Variants in DTWD2 observed in about 807,000 individuals in gnomAD.
The protein encoded by DTWD2 is DTW motif tRNA-uridine aminocarboxypropyltransferase 2.
A neutral mutation model predicts 31.8 loss-of-function variants in DTWD2; 39 were observed. The ratio of observed to expected loss-of-function variants is 1.22; its 90% CI spans 0.95 to 1.60. DTWD2 has a LOEUF of 1.60. Among genes scored for constraint, DTWD2 ranks in the 40% most tolerant of loss-of-function variants. The pLI is 0.00. For synonymous variants in DTWD2, 180 were observed against 142.8 expected (o/e 1.26, Z -1.86); for missense variants, 515 against 381.5 (o/e 1.35, Z -2.92).
In DTWD2 at chr5:118,839,590, G is replaced by A. The variant is rs537554639; in HGVS notation, c.*1327C>T. ...TTGCCCAGGCTGGTCTCAAACTCCTGGGCTCAAGCAATTCTCACATCTCAG... is the reference window on the plus strand; with the variant it reads ...TTGCCCAGGCTGGTCTCAAACTCCTAGGCTCAAGCAATTCTCACATCTCAG... On this transcript the variant is annotated 3_prime_UTR_variant, in exon 6 of 6. Transcript: ENST00000510708. 6.6e-6 allele frequency: 1 copy of A among 152,124 alleles called. No individual in the cohort carries two copies. The highest frequency in any genetic ancestry group is 2.1e-4 in the South Asian group (1 of 4,810). 9.4% of individuals were successfully genotyped at this position (152,124 alleles called of 1,614,324 possible).
chr5:118,880,756 A>G (rs1161914973), intron 4 of DTWD2, among the ~76,000 whole-genome samples: 1 of 152,196 alleles, frequency 6.6e-6, no homozygotes, highest in Non-Finnish European at 1.5e-5. Context: ...CTAGTCTAAA[A>G]TGTTTAAATA....
chr5:118,974,624 T>G lies in DTWD2; in HGVS notation c.218+13670A>C, dbSNP rs374764915. 386 of 506,432 alleles carry G rather than the reference T, an allele frequency of 7.6e-4. 1 individual carries two copies. Among genetic ancestry groups the G allele is most frequent in the Admixed American group, 2.2e-3 (92 of 42,408 alleles). 31.4% of individuals were successfully genotyped at this position (506,432 alleles called of 1,614,324 possible). On this transcript the variant is annotated intron_variant, in intron 1 of 5. Transcript: ENST00000510708. ...CATTCCAGTAACTTTTTTGTGTATG[T>G]ACTTAGCTGTACTATAAGTAGTTGG...
chr5:118,926,821 C>G (rs1404116055), intron 4 of DTWD2, among the ~76,000 whole-genome samples: 1 of 152,174 alleles, frequency 6.6e-6, no homozygotes, highest in African/African-American at 2.4e-5. Flanking sequence ...CCTCCCACCT[C>G]AGCCTCACAA....
At chr5:118,974,712 T>C (rs779901724) in intron 1 of DTWD2, 22 of 501,348 alleles carry the variant, frequency 4.4e-5, no homozygotes, top group Non-Finnish European at 8.0e-5. Context: ...TTTTTGTCTA[T>C]GAAGTTGCTG....
chr5:118,903,480 G>C (rs1056029552), intron 4 of DTWD2, among the ~76,000 whole-genome samples: 13 of 151,962 alleles, frequency 8.6e-5, no homozygotes, highest in African/African-American at 2.2e-4. Flanking sequence ...AGTGTTAAAG[G>C]GTTGAAAATA....
chr5:118,932,187 C>A (rs1172703130), intron 3 of DTWD2, among the ~76,000 whole-genome samples: 1 of 151,680 alleles, frequency 6.6e-6, no homozygotes, highest in Non-Finnish European at 1.5e-5. Flanking sequence ...ACAAAAACAA[C>A]AACAACAACA....
At chr5:118,979,478 T>C (rs1755244154) in intron 1 of DTWD2, among the ~76,000 whole-genome samples, 1 of 152,142 alleles carries the variant, frequency 6.6e-6, no homozygotes, top group African/African-American at 2.4e-5. Context: ...AGCAGAAATA[T>C]CATGTGACCT....
At chr5:118,890,657 G>A (rs1279390585) in intron 4 of DTWD2, among the ~76,000 whole-genome samples, 1 of 123,142 alleles carries the variant, frequency 8.1e-6, no homozygotes, top group Non-Finnish European at 1.6e-5. Context: ...TGCAACCTCC[G>A]CCTCCCAGGT....
chr5:118,987,229 C>G (rs1363763457), intron 1 of DTWD2, among the ~76,000 whole-genome samples: 1 of 152,168 alleles, frequency 6.6e-6, no homozygotes, highest in South Asian at 2.1e-4. Context: ...CCCCTATGTT[C>G]AAATTCACAG....
At chr5:118,948,386 C>T (rs1161132980) in intron 1 of DTWD2, among the ~76,000 whole-genome samples, 2 of 151,962 alleles carry the variant, frequency 1.3e-5, no homozygotes, top group Non-Finnish European at 2.9e-5. Flanking sequence ...GAGGCTGAGG[C>T]CAGGGAATGG....
chr5:118,867,362 G>GA lies in DTWD2; in HGVS notation c.598-19145dup, dbSNP rs146813420. Among the ~76,000 whole-genome samples, 958 of 147,440 alleles carry GA rather than the reference G, an allele frequency of 6.5e-3. 6 individuals carry two copies. Among genetic ancestry groups the GA allele is most frequent in the African/African-American group, 0.022 (884 of 40,364 alleles). On this transcript the variant is annotated intron_variant, in intron 4 of 5. Coordinates refer to ENST00000510708, the MANE Select transcript of DTWD2 (RefSeq NM_173666.4). ...AAAGACTCTAAAGAATTCCACAGGA[G>GA]AAAAAAAAAACTCCTTACAACTATA...
intron 1 of DTWD2, among the ~76,000 whole-genome samples, chr5:118,953,045 A>G (rs2149589641): frequency 6.6e-6 from 1 of 152,324 alleles, no homozygotes; most frequent in South Asian, 2.1e-4. Context: ...CCCCTAGTAC[A>G]GTGATTCCCA....
intron 2 of DTWD2, among the ~76,000 whole-genome samples, chr5:118,940,306 C>A (rs1033052091): frequency 3.3e-5 from 5 of 152,218 alleles, no homozygotes; most frequent in Non-Finnish European, 7.3e-5. Context: ...ATGTTTAATA[C>A]AATGTTCTTC....
At chr5:118,853,923 A>T (rs990998084) in intron 4 of DTWD2, among the ~76,000 whole-genome samples, 1 of 152,180 alleles carries the variant, frequency 6.6e-6, no homozygotes, top group African/African-American at 2.4e-5. Context: ...GGGGAAGAAG[A>T]TGTGGGGATA....
intron 1 of DTWD2, among the ~76,000 whole-genome samples, chr5:118,961,377 ATTATT>A (rs1449329463): frequency 2.6e-5 from 4 of 152,314 alleles, no homozygotes; most frequent in Non-Finnish European, 5.9e-5. Context: ...TCTGCAAACT[ATTATT>A]TTATATTTCC....
intron 1 of DTWD2, among the ~76,000 whole-genome samples, chr5:118,947,743 A>G (rs1030932201): frequency 6.6e-6 from 1 of 152,090 alleles, no homozygotes; most frequent in Non-Finnish European, 1.5e-5. Flanking sequence ...TCTGCCTAGA[A>G]TTTCTCTGCC....
intron 4 of DTWD2, among the ~76,000 whole-genome samples, chr5:118,908,378 T>C (rs1273497837): frequency 2.0e-5 from 3 of 152,100 alleles, no homozygotes; most frequent in Non-Finnish European, 4.4e-5. Flanking sequence ...GATACATCAA[T>C]GAGTGCCAAA....
chr5:118,842,534 A>G (rs1338684588), intron 5 of DTWD2, among the ~76,000 whole-genome samples: 1 of 152,212 alleles, frequency 6.6e-6, no homozygotes, highest in Non-Finnish European at 1.5e-5. Flanking sequence ...TTCAAGCTGC[A>G]TTCCCAGTCA....
At chr5:118,880,547 A>C (rs987106010) in intron 4 of DTWD2, among the ~76,000 whole-genome samples, 1 of 152,116 alleles carries the variant, frequency 6.6e-6, no homozygotes, top group Non-Finnish European at 1.5e-5. Context: ...CTCAATTCTC[A>C]TATATTTGTT....
Sources: gnomAD v4.1 joint callset for allele counts (sites outside exome capture counted in the v4.1 genomes callset) on GRCh38, gnomAD v4.1.1 for gene constraint, MANE v1.5 for transcripts, NCBI Gene and HGNC (gene_info 2026-07-23, HGNC 2026-07-21) for gene names.